Variants in GABRA2 observed in about 807,000 individuals in gnomAD.
GABRA2 encodes the protein gamma-aminobutyric acid type A receptor subunit alpha2, also known as gamma-aminobutyric acid receptor subunit alpha-2.
A neutral mutation model predicts 48.7 loss-of-function variants in GABRA2; 16 were observed. The ratio of observed to expected loss-of-function variants is 0.33; its 90% CI spans 0.22 to 0.50. GABRA2 has a LOEUF of 0.50. GABRA2 is among the 20% of genes least tolerant of loss of function. GABRA2 has a pLI of 0.98. For missense variants in GABRA2, 275 were observed against 535.6 expected (o/e 0.51, Z 4.80); for synonymous variants, 185 against 184.5 (o/e 1.00, Z -0.02).
At chr4:46,378,817 G>A (rs1716348921) in intron 3 of GABRA2, among the ~76,000 whole-genome samples, 1 of 145,400 alleles carries the variant, frequency 6.9e-6, no homozygotes, top group Non-Finnish European at 1.5e-5. Context: ...AACATAGCAA[G>A]ATTCTGCCTC....
chr4:46,265,021 A>G (rs1468136974), intron 8 of GABRA2, among the ~76,000 whole-genome samples: 1 of 129,030 alleles, frequency 7.8e-6, no homozygotes, highest in Non-Finnish European at 1.6e-5. Context: ...AGAGAGAGAG[A>G]TAGAGAGAGA....
chr4:46,252,385 T>C (rs1238891455), intron 9 of GABRA2, among the ~76,000 whole-genome samples: 1 of 151,548 alleles, frequency 6.6e-6, no homozygotes, highest in Non-Finnish European at 1.5e-5. Context: ...GAACACTTTT[T>C]GAGCACTAGA....
At chr4:46,332,749 G>C in intron 3 of GABRA2, 67 bp from the exon 4 acceptor site, 5 of 948,586 alleles carry the variant, frequency 5.3e-6, no homozygotes. Flanking sequence ...AGAAGGGTTT[G>C]AGTACACGGT....
At chr4:46,297,618 T>C (rs1724999659) in intron 8 of GABRA2, among the ~76,000 whole-genome samples, 1 of 150,622 alleles carries the variant, frequency 6.6e-6, no homozygotes, top group African/African-American at 2.4e-5. Context: ...TACTTTCTGA[T>C]TTTATTTTTT....
intron 3 of GABRA2, among the ~76,000 whole-genome samples, chr4:46,337,947 A>G (rs1213385354): frequency 6.6e-6 from 1 of 152,030 alleles, no homozygotes; most frequent in African/African-American, 2.4e-5. Flanking sequence ...TGGATAATAT[A>G]ACACACAATA....
intron 8 of GABRA2, 55 bp downstream of exon 8, chr4:46,303,405 T>C: frequency 2.0e-6 from 3 of 1,494,858 alleles, no homozygotes; most frequent in Non-Finnish European, 1.9e-6. Flanking sequence ...ATAATGTTTT[T>C]GAAAGTATGC....
chr4:46,253,388 G>C (rs542079550), intron 9 of GABRA2, among the ~76,000 whole-genome samples: 1 of 151,380 alleles, frequency 6.6e-6, no homozygotes, highest in African/African-American at 2.4e-5. Flanking sequence ...ACAAGCAGCA[G>C]CACATACCAG....
chr4:46,384,553 CAA>C (rs1409292319), intron 3 of GABRA2, among the ~76,000 whole-genome samples: 2 of 152,226 alleles, frequency 1.3e-5, no homozygotes, highest in South Asian at 2.1e-4. Context: ...CGTAAAAATT[CAA>C]AGAGACAAAG....
In GABRA2 at chr4:46,246,342, T is replaced by A. The variant is rs1369596607; in HGVS notation, c.*3966A>T. 6.6e-6 allele frequency among the ~76,000 whole-genome samples: 1 copy of A among 151,070 alleles called. No individual in the cohort carries two copies. Among genetic ancestry groups the A allele is most frequent in the Non-Finnish European group, 1.5e-5 (1 of 67,424 alleles). On this transcript the variant is annotated 3_prime_UTR_variant, in exon 10 of 10. Transcript: ENST00000381620. ...ATGGATATTAAATAATTATGTTAAA[T>A]ATTTACTTTAATTTTTAGAGCATGA... is the stretch of plus-strand genomic sequence containing the variant.
In GABRA2 at chr4:46,270,964, T is replaced by C. The variant is rs1719203830; in HGVS notation, c.857-8836A>G. On this transcript the variant is annotated intron_variant, in intron 8 of 9. Coordinates refer to ENST00000381620, the MANE Select transcript of GABRA2 (RefSeq NM_000807.4). ...CTGTTGTTACTAAGATCAAATGAGT[T>C]TCTTCATGTAAAGCTGTGCCCCTAC... is the stretch of plus-strand genomic sequence containing the variant. Among the ~76,000 whole-genome samples, 4 of 151,152 alleles carry C rather than the reference T, an allele frequency of 2.6e-5. No individual in the cohort carries two copies. In the South Asian group the frequency reaches 8.5e-4, roughly 32 times the overall value.
chr4:46,283,922 G>A (rs1237777889), intron 8 of GABRA2, among the ~76,000 whole-genome samples: 30 of 151,846 alleles, frequency 2.0e-4, no homozygotes, highest in Admixed American at 2.0e-3. Context: ...ACCACACCCG[G>A]CTAATTTTTT....
intron 8 of GABRA2, among the ~76,000 whole-genome samples, chr4:46,298,978 T>G (rs972240112): frequency 1.3e-5 from 2 of 151,210 alleles, no homozygotes; most frequent in Non-Finnish European, 3.0e-5. Context: ...TAAAAGATCA[T>G]ATATTATACA....
chr4:46,300,308 T>C (rs760065777), intron 8 of GABRA2, among the ~76,000 whole-genome samples: 5 of 151,968 alleles, frequency 3.3e-5, no homozygotes, highest in Admixed American at 6.6e-5. Flanking sequence ...TCTGTGTGTG[T>C]GTGCGCGCGC....
chr4:46,269,172 A>G (rs906780811), intron 8 of GABRA2, among the ~76,000 whole-genome samples: 4 of 151,892 alleles, frequency 2.6e-5, no homozygotes, highest in African/African-American at 4.8e-5. Context: ...TGTAACTTCT[A>G]TTTCACTAAG....
chr4:46,358,002 C>T (rs766505851), intron 3 of GABRA2, among the ~76,000 whole-genome samples: 9 of 151,958 alleles, frequency 5.9e-5, no homozygotes, highest in Admixed American at 3.9e-4. Context: ...TAGGACATAA[C>T]GTTAGTATGA....
At chr4:46,348,067 C>T (rs1340221270) in intron 3 of GABRA2, among the ~76,000 whole-genome samples, 1 of 151,838 alleles carries the variant, frequency 6.6e-6, no homozygotes, top group East Asian at 1.9e-4. Context: ...TGAACCCAAA[C>T]AAATTTACAA....
intron 3 of GABRA2, among the ~76,000 whole-genome samples, chr4:46,361,592 C>T (rs914259096): frequency 4.6e-5 from 7 of 150,878 alleles, no homozygotes; most frequent in African/African-American, 1.7e-4. Context: ...AGCCACCAAA[C>T]AGAGTCGCTA....
At chr4:46,266,774 G>C (rs1718334240) in intron 8 of GABRA2, among the ~76,000 whole-genome samples, 1 of 146,248 alleles carries the variant, frequency 6.8e-6, no homozygotes, top group Admixed American at 6.9e-5. Context: ...CAGGCTAGAG[G>C]GCAGTGACAT....
chr4:46,289,913 ATT>A (rs147975517), intron 8 of GABRA2, among the ~76,000 whole-genome samples: 2 of 111,838 alleles, frequency 1.8e-5, no homozygotes, highest in Admixed American at 8.1e-5. Flanking sequence ...ATTTATTTTT[ATT>A]TTTTTTTTTT....
Sources: gnomAD v4.1 joint callset for allele counts (sites outside exome capture counted in the v4.1 genomes callset) on GRCh38, gnomAD v4.1.1 for gene constraint, MANE v1.5 for transcripts, NCBI Gene and HGNC (gene_info 2026-07-23, HGNC 2026-07-21) for gene names.